ANXA8: variants seen among roughly 807,000 people sequenced by gnomAD.
ANXA8 encodes the protein VAC-beta.
In ANXA8, 9 loss-of-function variants were observed where a neutral mutation model predicts 26.8. The observed-to-expected ratio is 0.34, with a 90% CI of 0.20 to 0.59. The LOEUF (loss-of-function observed/expected upper bound fraction) is 0.59, where lower values mean the gene tolerates loss of function less well. ANXA8 is among the 20% of genes least tolerant of loss of function. The probability of loss-of-function intolerance (pLI) is 0.84; values close to 1 mark genes in which losing one functional copy is unlikely to be tolerated. For synonymous variants in ANXA8, 39 were observed against 94.8 expected (o/e 0.41, Z 3.42); for missense variants, 83 against 238.5 (o/e 0.35, Z 4.29).
At chr10:47,711,650 T>C in the ANXA8 span, among the ~76,000 whole-genome samples, 2 of 145,192 alleles carry the variant, frequency 1.4e-5, no homozygotes, top group Non-Finnish European at 3.0e-5. Context: ...CTATGATCAT[T>C]GACCACCATA....
chr10:47,944,360 C>T, the ANXA8 span, among the ~76,000 whole-genome samples: 154 of 149,534 alleles, frequency 1.0e-3, 10 homozygotes, highest in East Asian at 0.014. Context: ...CCTCCCCCCG[C>T]ATCATGCTGG....
At chr10:47,715,344 G>A in the ANXA8 span, among the ~76,000 whole-genome samples, 17 of 110,748 alleles carry the variant, frequency 1.5e-4, no homozygotes, top group African/African-American at 6.0e-4. Flanking sequence ...TACTCAGGAG[G>A]CCGAGGCAGG....
chr10:47,552,048 T>C, the ANXA8 span: 1 of 203,602 alleles, frequency 4.9e-6, no homozygotes, highest in East Asian at 1.1e-4. Context: ...TATTTCTTTA[T>C]GAAGACATGA....
chr10:47,687,507 C>A, the ANXA8 span, among the ~76,000 whole-genome samples: 1 of 151,814 alleles, frequency 6.6e-6, no homozygotes, highest in Non-Finnish European at 1.5e-5. Context: ...TCAGGTGATC[C>A]TCCCGCTTCG....
the ANXA8 span, among the ~76,000 whole-genome samples, chr10:47,625,916 C>T: frequency 2.1e-4 from 31 of 150,900 alleles, no homozygotes; most frequent in South Asian, 6.0e-3. Context: ...AATTAACTGT[C>T]TGTTTCTATG....
At chr10:47,525,614 G>A in the ANXA8 span, among the ~76,000 whole-genome samples, 1 of 137,564 alleles carries the variant, frequency 7.3e-6, no homozygotes, top group African/African-American at 2.7e-5. Context: ...TAGAAGTCAA[G>A]CTTGGATGGG....
the ANXA8 span, among the ~76,000 whole-genome samples, chr10:47,898,945 T>G: frequency 1.3e-5 from 2 of 149,344 alleles, no homozygotes; most frequent in Non-Finnish European, 3.0e-5. Flanking sequence ...TCAATTCCTG[T>G]GCCTCAGCCT....
At chr10:47,617,186 C>G in the ANXA8 span, among the ~76,000 whole-genome samples, 11,382 of 33,170 alleles carry the variant, frequency 0.34, 3,414 homozygotes, top group African/African-American at 0.74. Flanking sequence ...GAAACAGGGG[C>G]CTAAATAAAC....
At chr10:47,679,811 A>G in the ANXA8 span, among the ~76,000 whole-genome samples, 1 of 151,762 alleles carries the variant, frequency 6.6e-6, no homozygotes, top group Non-Finnish European at 1.5e-5. Flanking sequence ...CTGTCTACTC[A>G]GGTGGCTAAG....
the ANXA8 span, among the ~76,000 whole-genome samples, chr10:47,954,699 T>TAA: frequency 2.8e-3 from 386 of 140,210 alleles, 1 homozygote; most frequent in Admixed American, 9.4e-3. Flanking sequence ...CCCATAAAAA[T>TAA]AAAAAAAAAA....
chr10:47,680,171 G>A, the ANXA8 span, among the ~76,000 whole-genome samples: 2 of 151,420 alleles, frequency 1.3e-5, no homozygotes, highest in Non-Finnish European at 1.5e-5. Context: ...CATCACGTTA[G>A]CCAGGCTGGT....
the ANXA8 span, among the ~76,000 whole-genome samples, chr10:47,706,006 G>A: frequency 4.0e-5 from 6 of 151,196 alleles, no homozygotes; most frequent in African/African-American, 7.3e-5. Context: ...CGTGTTGTGG[G>A]GGGGGAGGGG....
chr10:47,525,936 C>A, the ANXA8 span, among the ~76,000 whole-genome samples: 1 of 134,270 alleles, frequency 7.4e-6, no homozygotes, highest in African/African-American at 2.8e-5. Context: ...TCCCGAGTAG[C>A]TGGGATTGCA....
chr10:47,536,775 A>C, the ANXA8 span, among the ~76,000 whole-genome samples: 2 of 126,502 alleles, frequency 1.6e-5, 1 homozygote, highest in Non-Finnish European at 3.1e-5. Context: ...GGGCAAACAC[A>C]CTGAGGCCAC....
the ANXA8 span, among the ~76,000 whole-genome samples, chr10:47,966,080 T>C: frequency 5.6e-5 from 8 of 142,180 alleles, no homozygotes; most frequent in East Asian, 1.6e-3. Flanking sequence ...GCTGGGTCCT[T>C]AGCCAAGTTG....
chr10:47,968,652 C>T, the ANXA8 span, among the ~76,000 whole-genome samples: 2 of 148,582 alleles, frequency 1.3e-5, no homozygotes. Context: ...CCATCTCTTG[C>T]TTTGACAGGG....
At chr10:47,660,928 G>A in the ANXA8 span, among the ~76,000 whole-genome samples, 1 of 151,694 alleles carries the variant, frequency 6.6e-6, no homozygotes, top group Non-Finnish European at 1.5e-5. Flanking sequence ...ATCTTTTGCT[G>A]ATCTTGTTTA....
chr10:47,939,141 T>C, the ANXA8 span, among the ~76,000 whole-genome samples: 1 of 145,328 alleles, frequency 6.9e-6, no homozygotes, highest in Non-Finnish European at 1.5e-5. Flanking sequence ...CCATCTCTAC[T>C]AAAGATAAAA....
the ANXA8 span, among the ~76,000 whole-genome samples, chr10:47,743,405 TGAGAGAGA>T: frequency 1.2e-5 from 1 of 83,530 alleles, no homozygotes; most frequent in South Asian, 3.5e-4. Context: ...TGTGTGTGTG[TGAGAGAGA>T]GAGAGAGAGA....
Sources: allele counts gnomAD v4.1 joint callset (sites outside exome capture counted in the v4.1 genomes callset), GRCh38; gene constraint gnomAD v4.1.1; transcripts MANE v1.5; gene names NCBI Gene and HGNC (gene_info 2026-07-23, HGNC 2026-07-21).